RGS22: variants seen among roughly 807,000 people sequenced by gnomAD.
The protein encoded by RGS22 is regulator of G protein signaling 22.
A neutral mutation model predicts 172.9 loss-of-function variants in RGS22; 148 were observed. The observed-to-expected ratio is 0.86, with a 90% CI of 0.75 to 0.98. RGS22 has a LOEUF of 0.98. Among genes scored for constraint, RGS22 ranks in the 50% least tolerant of loss-of-function variants. RGS22 has a pLI of 0.00. For missense variants in RGS22, 1,347 were observed against 1,440.8 expected, an observed-to-expected ratio of 0.93 and a Z score of 1.05; for synonymous variants, 458 against 480.2, an observed-to-expected ratio of 0.95 and a Z score of 0.60.
In RGS22 at chr8:100,051,171, C is replaced by A. The variant is rs532995669; in HGVS notation, c.1689+1631G>T. Among the ~76,000 whole-genome samples, 286 of 151,630 alleles carry A rather than the reference C, an allele frequency of 1.9e-3. 2 individuals are homozygous for A. Among genetic ancestry groups the A allele is most frequent in the Middle Eastern group, 0.017 (5 of 294 alleles). ...TGGAGGAAGAGTGCTCTAAGCAAGG[C>A]AAACAGCAAGCACAAAGCCCTGGAG... On this transcript the variant is annotated intron_variant, in intron 10 of 27. Transcript: ENST00000360863.
rs575662072 is a variant in RGS22 at position 99,997,280 on chromosome 8, TAAGTC to T, written c.2950-755_2950-751del. Among the ~76,000 whole-genome samples, 86 of 152,340 alleles carry T rather than the reference TAAGTC, an allele frequency of 5.6e-4. No homozygotes were observed. In the South Asian group the frequency reaches 6.8e-3, roughly 12 times the overall value. Reference sequence around the variant, plus strand: ...ATTTTGCTGGCCACCTAAAGAATGCTAAGTCAAGAAATGACTATGCATTGCAATAA... The same window carrying T: ...ATTTTGCTGGCCACCTAAAGAATGCTAAGAAATGACTATGCATTGCAATAA... On this transcript the variant is annotated intron_variant, in intron 19 of 27. Transcript: ENST00000360863.
chr8:100,072,419 G>C (rs554706174), intron 4 of RGS22, among the ~76,000 whole-genome samples, 189 bp from the exon 5 acceptor site: 2 of 151,556 alleles, frequency 1.3e-5, no homozygotes, highest in African/African-American at 4.8e-5. Context: ...CCCCTGGTAC[G>C]TTTTTAATTC....
In RGS22 at chr8:100,052,772, T is replaced by C. The variant is rs199515956; in HGVS notation, c.1689+30A>G. 8.8e-6 allele frequency: 14 copies of C among 1,595,438 alleles called. No homozygotes were observed. In the African/African-American group the frequency reaches 9.4e-5, roughly 11 times the overall value. On this transcript the variant is annotated intron_variant, in intron 10 of 27. Transcript: ENST00000360863. ...CATACATATTTTACTACAAACTTAG[T>C]AGAGATCACAGCATGAATGTACACC... is the stretch of plus-strand genomic sequence containing the variant.
chr8:99,965,061 T>C (rs1810584983), intron 24 of RGS22, among the ~76,000 whole-genome samples: 1 of 152,230 alleles, frequency 6.6e-6, no homozygotes, highest in Non-Finnish European at 1.5e-5. Flanking sequence ...TGTATCTGTC[T>C]TATTTTCTTT....
At chr8:100,022,513 T>C (rs1367471356) in intron 14 of RGS22, among the ~76,000 whole-genome samples, 11 of 152,050 alleles carry the variant, frequency 7.2e-5, no homozygotes, top group Admixed American at 7.2e-4. Context: ...GTTGAGTGCA[T>C]GATGAAATAA....
intron 3 of RGS22, 62 bp from the exon 4 acceptor site, chr8:100,080,417 GA>G: frequency 8.2e-7 from 1 of 1,224,910 alleles, no homozygotes; most frequent in Non-Finnish European, 1.1e-6. Context: ...TGGTCTCTAA[GA>G]AGACTTGTGG....
intron 8 of RGS22, among the ~76,000 whole-genome samples, chr8:100,063,165 T>C (rs1199930560): frequency 1.3e-5 from 2 of 152,174 alleles, no homozygotes; most frequent in Non-Finnish European, 2.9e-5. Context: ...AAAGTAGTTC[T>C]AGAATGTATG....
chr8:99,962,844 A>G, intron 25 of RGS22, 41 bp downstream of exon 25: 1 of 1,579,074 alleles, frequency 6.3e-7, no homozygotes, highest in Non-Finnish European at 8.6e-7. Context: ...TCTGTGATAA[A>G]AGATAAAAAA....
At chr8:99,994,260 A>G (rs1814101042) in intron 20 of RGS22, among the ~76,000 whole-genome samples, 1 of 152,146 alleles carries the variant, frequency 6.6e-6, no homozygotes, top group Non-Finnish European at 1.5e-5. Context: ...GGAAGTTCTG[A>G]CCAGGGCAAT....
intron 3 of RGS22, 144 bp downstream of exon 3, chr8:100,093,303 T>C (rs936992942): frequency 7.5e-6 from 4 of 532,074 alleles, no homozygotes; most frequent in South Asian, 3.1e-5. Flanking sequence ...ATTAACTATG[T>C]AAAAAGATAA....
At chr8:100,014,922 T>A (rs1275205083) in intron 14 of RGS22, among the ~76,000 whole-genome samples, 2 of 152,218 alleles carry the variant, frequency 1.3e-5, no homozygotes, top group African/African-American at 4.8e-5. Context: ...TGTGTTCCCA[T>A]GGACCCTGTA....
chr8:100,079,949 GT>G (rs1216461479), intron 4 of RGS22, among the ~76,000 whole-genome samples, 184 bp downstream of exon 4: 4 of 152,054 alleles, frequency 2.6e-5, no homozygotes, highest in Non-Finnish European at 5.9e-5. Context: ...AAATTGATAA[GT>G]GAACATCAAC....
intron 24 of RGS22, among the ~76,000 whole-genome samples, chr8:99,964,821 A>G (rs1810563018): frequency 6.6e-6 from 1 of 152,252 alleles, no homozygotes; most frequent in Non-Finnish European, 1.5e-5. Flanking sequence ...GTCATCAAAA[A>G]TAGACATAAG....
At chr8:99,977,270 A>ATTTCTT (rs1428079850) in intron 23 of RGS22, among the ~76,000 whole-genome samples, 4 of 120,390 alleles carry the variant, frequency 3.3e-5, no homozygotes, top group Non-Finnish European at 5.1e-5. Context: ...CGCCCGGTTA[A>ATTTCTT]TTTTTTTTTT....
chr8:100,083,125 G>A lies in RGS22; in HGVS notation c.118-2770C>T, dbSNP rs114514986. 1.3e-3 allele frequency among the ~76,000 whole-genome samples: 198 copies of A among 152,300 alleles called. 1 individual carries two copies. The highest frequency in any genetic ancestry group is 4.7e-3 in the African/African-American group (194 of 41,572). The stretch of plus-strand genomic sequence containing the variant: ...ATAGTTACTTCTAATTTGTGTTTTA[G>A]AAAGGTTCTGGAGCAGTCTGGAAGA... On this transcript the variant is annotated intron_variant, in intron 3 of 27. Transcript: ENST00000360863.
At position 99,961,177 on chromosome 8, in the gene RGS22, G is replaced by GGTTTA; in HGVS notation, c.*64_*65insTAAAC. On this transcript the variant is annotated 3_prime_UTR_variant, in exon 28 of 28. Transcript: ENST00000360863. ...ATCACTGGAGCTTCTCATGTCAGCAGAATCTGGTTTAAAGAATTCCTGCAA... is the reference window on the plus strand; with the variant it reads ...ATCACTGGAGCTTCTCATGTCAGCAGGTTTAAATCTGGTTTAAAGAATTCCTGCAA... 2.2e-6 allele frequency: 1 copy of GGTTTA among 453,528 alleles called. No individual in the cohort carries two copies. The highest frequency in any genetic ancestry group is 4.4e-6 in the Non-Finnish European group (1 of 225,670). 28.1% of individuals were successfully genotyped at this position (453,528 alleles called of 1,614,324 possible).
intron 6 of RGS22, among the ~76,000 whole-genome samples, 156 bp downstream of exon 6, chr8:100,071,213 G>C (rs1035551544): frequency 6.6e-6 from 1 of 152,106 alleles, no homozygotes; most frequent in Admixed American, 6.5e-5. Flanking sequence ...AGCTGAGCCC[G>C]GGAGATGGAG....
rs1465761280 is a variant in RGS22 at position 100,063,945 on chromosome 8, C to T, written c.823G>A (p.Glu275Lys). ...ISEFEEEEGE[E>K]EEVSVSLQDT... is the part of the protein sequence containing the mutation. ...TGTAGAGATACAGACACCTCTTCTT[C>T]TTCTCCTTCTTCTTCTTCAAATTCA... is the stretch of plus-strand genomic sequence containing the variant. The change falls in exon 8 of 28, where the codon GAA (glutamate) becomes AAA (lysine). Residue 275 changes from glutamate (E) to lysine (K), a missense_variant. Physicochemically the swap from Glu to Lys is moderately conservative, Grantham distance 56. Coordinates refer to ENST00000360863, the MANE Select transcript of RGS22 (RefSeq NM_015668.5). 11 of 1,579,636 alleles carry T rather than the reference C, an allele frequency of 7.0e-6. No individual in the cohort carries two copies. The East Asian group carries it at 1.1e-4, about 16-fold the overall frequency.
chr8:100,043,902 C>T (rs1398385701), intron 11 of RGS22, among the ~76,000 whole-genome samples: 1 of 152,084 alleles, frequency 6.6e-6, no homozygotes, highest in East Asian at 1.9e-4. Context: ...ACCTCAATAC[C>T]AACCTTACAG....
Sources: allele counts gnomAD v4.1 joint callset (sites outside exome capture counted in the v4.1 genomes callset), GRCh38; gene constraint gnomAD v4.1.1; transcripts MANE v1.5; gene names NCBI Gene and HGNC (gene_info 2026-07-23, HGNC 2026-07-21).